Variants in RGS6 observed in about 807,000 individuals in gnomAD.
RGS6 encodes regulator of G-protein signaling 6.
In RGS6, 30 loss-of-function variants were observed where a neutral mutation model predicts 78.5. The ratio of observed to expected loss-of-function variants is 0.38; its 90% CI spans 0.29 to 0.52. The LOEUF (loss-of-function observed/expected upper bound fraction) is 0.52. Ranked by LOEUF, RGS6 falls within the 20% of genes least tolerant of loss-of-function variation. The pLI is 0.85. For missense variants in RGS6, 495 were observed against 609.7 expected (o/e 0.81, Z 1.98); for synonymous variants, 206 against 206.0 (o/e 1.00, Z 0.00).
intron 2 of RGS6, among the ~76,000 whole-genome samples, chr14:72,106,347 T>A (rs1450715160): frequency 6.6e-6 from 1 of 152,190 alleles, no homozygotes; most frequent in African/African-American, 2.4e-5. Context: ...ATGTTTGCAC[T>A]CCAGTGGAGA....
intron 3 of RGS6, among the ~76,000 whole-genome samples, chr14:72,393,989 C>A (rs2090580269): frequency 6.6e-6 from 1 of 152,106 alleles, no homozygotes; most frequent in Non-Finnish European, 1.5e-5. Flanking sequence ...TGACAGTATG[C>A]TTTAGAAAGA....
intron 2 of RGS6, among the ~76,000 whole-genome samples, chr14:72,193,554 C>T (rs1167416384): frequency 1.3e-5 from 2 of 152,170 alleles, no homozygotes; most frequent in African/African-American, 4.8e-5. Context: ...CCCTGCCCTC[C>T]TGGAGTTTAC....
chr14:72,443,779 T>C (rs2095282317), intron 3 of RGS6, among the ~76,000 whole-genome samples: 1 of 152,184 alleles, frequency 6.6e-6, no homozygotes, highest in Non-Finnish European at 1.5e-5. Context: ...TGGTGGGTGC[T>C]ACTGGGCACC....
chr14:72,497,174 C>T (rs2096656329), intron 13 of RGS6, among the ~76,000 whole-genome samples: 1 of 152,206 alleles, frequency 6.6e-6, no homozygotes, highest in South Asian at 2.1e-4. Flanking sequence ...TCCTCTTGAG[C>T]AAAACTGTAA....
chr14:72,469,050 C>T (rs1436718981), intron 7 of RGS6, among the ~76,000 whole-genome samples: 1 of 152,080 alleles, frequency 6.6e-6, no homozygotes, highest in African/African-American at 2.4e-5. Flanking sequence ...GTCAAACTCC[C>T]CTCCTCGCCG....
At chr14:72,582,854 G>T in the RGS6 span, among the ~76,000 whole-genome samples, 1 of 152,030 alleles carries the variant, frequency 6.6e-6, no homozygotes, top group Non-Finnish European at 1.5e-5. Context: ...ACTGGATTAA[G>T]GGAAACCCAG....
intron 3 of RGS6, among the ~76,000 whole-genome samples, chr14:72,354,196 T>G (rs1411587792): frequency 6.6e-6 from 1 of 152,164 alleles, no homozygotes; most frequent in East Asian, 1.9e-4. Flanking sequence ...GGGTGGCTTA[T>G]AAAGAACAGA....
At chr14:72,259,791 G>A (rs1206170890) in intron 2 of RGS6, among the ~76,000 whole-genome samples, 4 of 151,344 alleles carry the variant, frequency 2.6e-5, no homozygotes, top group Non-Finnish European at 5.9e-5. Flanking sequence ...GGCGCCTGTA[G>A]TCCCAGCTAC....
intron 15 of RGS6, among the ~76,000 whole-genome samples, chr14:72,529,778 C>T (rs549490273): frequency 2.8e-4 from 43 of 152,204 alleles, no homozygotes; most frequent in Non-Finnish European, 4.6e-4. Flanking sequence ...GATAGGTCAT[C>T]CCCAGGTATA....
At chr14:71,932,102 T>C (rs957493349), upstream of RGS6, among the ~76,000 whole-genome samples, 1 of 152,280 alleles carries the variant, frequency 6.6e-6, no homozygotes, top group African/African-American at 2.4e-5. Flanking sequence ...AGTTTGGAAT[T>C]GACGAAAGCA....
the RGS6 span, among the ~76,000 whole-genome samples, chr14:71,889,042 G>A: frequency 1.3e-5 from 2 of 152,100 alleles, no homozygotes. Flanking sequence ...TATTGTCATG[G>A]CCTTCCATTG....
chr14:71,899,092 T>C, the RGS6 span, among the ~76,000 whole-genome samples: 2 of 152,076 alleles, frequency 1.3e-5, no homozygotes, highest in African/African-American at 4.8e-5. Flanking sequence ...CAAATAGTAA[T>C]CAAAAAAGCG....
At chr14:72,047,078 C>T (rs527657834) in intron 2 of RGS6, among the ~76,000 whole-genome samples, 5 of 152,102 alleles carry the variant, frequency 3.3e-5, no homozygotes, top group African/African-American at 1.2e-4. Flanking sequence ...CATAAAATTC[C>T]GCTTTGGGCA....
At chr14:72,069,850 G>A (rs1250012953) in intron 2 of RGS6, among the ~76,000 whole-genome samples, 1 of 151,984 alleles carries the variant, frequency 6.6e-6, no homozygotes, top group Non-Finnish European at 1.5e-5. Context: ...AATCACATAT[G>A]ATTTGGTTGT....
chr14:72,070,917 C>T (rs140789229), intron 2 of RGS6, among the ~76,000 whole-genome samples: 10 of 152,198 alleles, frequency 6.6e-5, no homozygotes, highest in East Asian at 1.9e-4. Context: ...TGTATTTCAC[C>T]GTTGAGTGTT....
the RGS6 span, among the ~76,000 whole-genome samples, chr14:72,608,492 G>A: frequency 6.6e-6 from 1 of 152,088 alleles, no homozygotes; most frequent in African/African-American, 2.4e-5. Flanking sequence ...GACTCAGCTG[G>A]CTTCTAGATG....
intron 2 of RGS6, among the ~76,000 whole-genome samples, chr14:72,120,663 A>G (rs778591105): frequency 1.6e-4 from 25 of 152,230 alleles, no homozygotes; most frequent in Non-Finnish European, 2.4e-4. Context: ...GATTCATGCA[A>G]TGGCATACAT....
rs192129798 is a variant in RGS6 at position 72,048,906 on chromosome 14, C to T, written c.84+84031C>T. On this transcript the variant is annotated intron_variant, in intron 2 of 17. Transcript: ENST00000553525. Reference sequence around the variant, plus strand: ...CCCAGAGATGAGTTTTGGCCCCATTCATCTCACAAGTTCTGTGCAACTATT... The same window carrying T: ...CCCAGAGATGAGTTTTGGCCCCATTTATCTCACAAGTTCTGTGCAACTATT... Among the ~76,000 whole-genome samples, 4 of 152,268 alleles carry T rather than the reference C, an allele frequency of 2.6e-5. No individual in the cohort carries two copies. The East Asian group carries it at 7.7e-4, about 29-fold the overall frequency.
chr14:72,620,225 G>A, the RGS6 span, among the ~76,000 whole-genome samples: 4 of 151,938 alleles, frequency 2.6e-5, no homozygotes, highest in African/African-American at 4.8e-5. Context: ...TGCTCAACTC[G>A]TACCTCCTCC....
Sources: allele counts gnomAD v4.1 joint callset (sites outside exome capture counted in the v4.1 genomes callset), GRCh38; gene constraint gnomAD v4.1.1; transcripts MANE v1.5; gene names NCBI Gene and HGNC (gene_info 2026-07-23, HGNC 2026-07-21).